The following PRKN variants were observed in gnomAD, a reference collection of about 807,000 sequenced individuals.
PRKN encodes parkin RBR E3 ubiquitin protein ligase.
A neutral mutation model predicts 59.5 loss-of-function variants in PRKN; 56 were observed. The observed-to-expected ratio is 0.94, with a 90% confidence interval of 0.76 to 1.18. The LOEUF is 1.18. Ranked by LOEUF, PRKN falls within the 50% of genes most tolerant of loss-of-function variation. The pLI, the probability that PRKN is intolerant of heterozygous loss-of-function variation, is 0.00. For missense variants in PRKN, 657 were observed against 596.4 expected, an observed-to-expected ratio of 1.10 and a Z score of -1.06; for synonymous variants, 250 against 222.1, an observed-to-expected ratio of 1.13 and a Z score of -1.12.
intron 7 of PRKN, among the ~76,000 whole-genome samples, chr6:161,638,009 A>G (rs1783591595): frequency 6.6e-6 from 1 of 152,080 alleles, no homozygotes; most frequent in Admixed American, 6.5e-5. Context: ...TTATTTTTCT[A>G]TCCCCTTATT....
At chr6:161,667,316 G>A (rs1784759961) in intron 7 of PRKN, among the ~76,000 whole-genome samples, 1 of 152,156 alleles carries the variant, frequency 6.6e-6, no homozygotes, top group Non-Finnish European at 1.5e-5. Context: ...GTCCATTGCT[G>A]ACAGGCAGCT....
At chr6:161,827,444 A>T (rs1282912820) in intron 6 of PRKN, among the ~76,000 whole-genome samples, 9 of 152,140 alleles carry the variant, frequency 5.9e-5, no homozygotes, top group Admixed American at 3.9e-4. Context: ...TTGAATTTTT[A>T]AAAAATATAA....
rs1790455478 is a variant in PRKN at position 161,787,206 on chromosome 6, TA to T, written c.735-1299del. On this transcript the variant is annotated intron_variant, in intron 6 of 11. Transcript: ENST00000366898. ...ATATAAAAGATAATTTCTTAACACC[TA>T]AAAGATTTTCAAAATTCTGTTATCC... Among the ~76,000 whole-genome samples, 3 of 152,320 alleles carry T rather than the reference TA, an allele frequency of 2.0e-5. No homozygotes were observed. In the South Asian group the frequency reaches 6.2e-4, roughly 32 times the overall value.
At chr6:162,208,565 A>C (rs545727543) in intron 3 of PRKN, among the ~76,000 whole-genome samples, 135 of 152,298 alleles carry the variant, frequency 8.9e-4, no homozygotes, top group African/African-American at 3.1e-3. Flanking sequence ...TAATAATGAA[A>C]TTTCCCATAC....
intron 2 of PRKN, among the ~76,000 whole-genome samples, chr6:162,332,217 T>A (rs780928467): frequency 1.1e-4 from 17 of 152,184 alleles, no homozygotes; most frequent in Non-Finnish European, 1.6e-4. Flanking sequence ...TATTAATTCC[T>A]CTTGAAAAAC....
At chr6:162,551,699 A>G (rs1036325620) in intron 1 of PRKN, among the ~76,000 whole-genome samples, 1 of 152,078 alleles carries the variant, frequency 6.6e-6, no homozygotes, top group African/African-American at 2.4e-5. Flanking sequence ...AAGTTCATAC[A>G]GAAGCTCCGG....
In PRKN at chr6:162,262,723, T is replaced by A. The variant is rs767216170; in HGVS notation, c.214A>T (p.Arg72Ter). 1 of 1,610,574 alleles carries A rather than the reference T, an allele frequency of 6.2e-7. No homozygotes were observed. The highest frequency in any genetic ancestry group is 1.7e-5 in the Admixed American group (1 of 59,644). The change falls in exon 3 of 12, where the codon AGA becomes TGA. Residue 72 changes from arginine to a stop codon, truncating the protein, a stop_gained. Transcript: ENST00000366898. LOFTEE classifies it high-confidence loss of function. ...ATTTCTTGACCTTTTCTCCACGGTC[T>A]CTGCACAATGTGAACAATGCTCTGC... is the stretch of plus-strand genomic sequence containing the variant. ...DQQSIVHIVQRPWRKGQEMNA... is the reference protein window; with the variant it reads ...DQQSIVHIVQ
chr6:161,472,299 G>A (rs1790833072), intron 9 of PRKN, among the ~76,000 whole-genome samples: 1 of 152,092 alleles, frequency 6.6e-6, no homozygotes, highest in African/African-American at 2.4e-5. Flanking sequence ...AACGTGTTGG[G>A]AGTTTAAGGA....
chr6:162,078,211 G>T (rs572468163), intron 4 of PRKN, among the ~76,000 whole-genome samples: 33 of 151,808 alleles, frequency 2.2e-4, no homozygotes, highest in African/African-American at 8.0e-4. Context: ...GAAATTCAAC[G>T]TTCTCTCATT....
chr6:161,580,029 T>C (rs1220409023), intron 7 of PRKN, among the ~76,000 whole-genome samples: 2 of 152,182 alleles, frequency 1.3e-5, no homozygotes, highest in African/African-American at 4.8e-5. Context: ...ATTTAGAGTG[T>C]ATATGCTGGG....
At chr6:162,710,415 A>ACAC (rs35854882) in intron 1 of PRKN, among the ~76,000 whole-genome samples, 8 of 144,522 alleles carry the variant, frequency 5.5e-5, no homozygotes, top group South Asian at 4.4e-4. Context: ...ACACACACAC[A>ACAC]ACTGTTTGGT....
chr6:162,133,514 C>G (rs1781453788), intron 4 of PRKN, among the ~76,000 whole-genome samples: 1 of 152,078 alleles, frequency 6.6e-6, no homozygotes, highest in South Asian at 2.1e-4. Flanking sequence ...GTTCCCCATC[C>G]TACTATCCAA....
At chr6:162,212,433 C>T (rs1042904685) in intron 3 of PRKN, among the ~76,000 whole-genome samples, 1 of 151,410 alleles carries the variant, frequency 6.6e-6, no homozygotes, top group African/African-American at 2.4e-5. Flanking sequence ...AGAAAGCTCG[C>T]TTAAACTCAA....
intron 4 of PRKN, among the ~76,000 whole-genome samples, chr6:162,190,746 G>A (rs1039168794): frequency 3.9e-5 from 6 of 152,144 alleles, no homozygotes; most frequent in East Asian, 1.9e-4. Context: ...TGTAAGATAA[G>A]ATATTTGTTT....
intron 1 of PRKN, among the ~76,000 whole-genome samples, chr6:162,613,624 C>A (rs1444724474): frequency 6.6e-6 from 1 of 152,122 alleles, no homozygotes; most frequent in Non-Finnish European, 1.5e-5. Context: ...TACCTCTTCA[C>A]CAACAATTAC....
chr6:162,067,759 T>C (rs1403515216), intron 4 of PRKN, among the ~76,000 whole-genome samples: 1 of 152,132 alleles, frequency 6.6e-6, no homozygotes, highest in Non-Finnish European at 1.5e-5. Context: ...CAAAACAAGG[T>C]GGGCAGTGCC....
chr6:162,047,448 A>C (rs1304793161), intron 5 of PRKN, among the ~76,000 whole-genome samples: 1 of 152,186 alleles, frequency 6.6e-6, no homozygotes, highest in African/African-American at 2.4e-5. Context: ...GTGCAAATGA[A>C]GACCGTCATT....
chr6:161,946,159 A>G (rs952891684), intron 6 of PRKN, among the ~76,000 whole-genome samples: 27 of 152,252 alleles, frequency 1.8e-4, no homozygotes, highest in African/African-American at 5.8e-4. Flanking sequence ...CAGAGACAGC[A>G]GAATATGCTT....
chr6:162,531,492 C>G (rs967156776), intron 1 of PRKN, among the ~76,000 whole-genome samples: 1 of 152,068 alleles, frequency 6.6e-6, no homozygotes, highest in African/African-American at 2.4e-5. Context: ...GCCAGTGAGC[C>G]AGGAGTGCTG....
Sources: gnomAD v4.1 joint callset for allele counts (sites outside exome capture counted in the v4.1 genomes callset) on GRCh38, gnomAD v4.1.1 for gene constraint, MANE v1.5 for transcripts, NCBI Gene and HGNC (gene_info 2026-07-23, HGNC 2026-07-21) for gene names.